The following INPP5A variants were observed in gnomAD, a reference collection of about 807,000 sequenced individuals.
INPP5A encodes 43 kDa inositol polyphosphate 5-phophatase.
A neutral mutation model predicts 65.2 loss-of-function variants in INPP5A; 14 were observed. The ratio of observed to expected loss-of-function variants is 0.21; its 90% CI spans 0.14 to 0.34. INPP5A has a LOEUF of 0.34. Among genes scored for constraint, INPP5A ranks in the 10% least tolerant of loss-of-function variants. The pLI, the probability that INPP5A is intolerant of heterozygous loss-of-function variation, is 1.00. For synonymous variants in INPP5A, 207 were observed against 208.3 expected (o/e 0.99, Z 0.05); for missense variants, 431 against 545.6 (o/e 0.79, Z 2.09).
chr10:132,658,269 T>C (rs1030830269), intron 4 of INPP5A, among the ~76,000 whole-genome samples: 3 of 152,352 alleles, frequency 2.0e-5, no homozygotes, highest in East Asian at 3.9e-4. Context: ...ATTATTTACT[T>C]CCTAAAAGTG....
At chr10:132,624,558 G>T (rs1202467117) in intron 2 of INPP5A, among the ~76,000 whole-genome samples, 1 of 152,132 alleles carries the variant, frequency 6.6e-6, no homozygotes, top group Non-Finnish European at 1.5e-5. Context: ...TCTGCACTTG[G>T]GGAATGTGCA....
chr10:132,780,188 C>T (rs1326348013), intron 13 of INPP5A, among the ~76,000 whole-genome samples: 1 of 152,238 alleles, frequency 6.6e-6, no homozygotes, highest in Non-Finnish European at 1.5e-5. Context: ...TCAGATGCTC[C>T]AGCTGTGGAT....
chr10:132,753,538 T>G lies in INPP5A; in HGVS notation c.903+3693T>G, dbSNP rs529611247. Among the ~76,000 whole-genome samples the G allele has an allele frequency of 6.6e-6, 1 of 152,310 alleles. No individual in the cohort carries two copies. Among genetic ancestry groups the G allele is most frequent in the African/African-American group, 2.4e-5 (1 of 41,560 alleles). On this transcript the variant is annotated intron_variant, in intron 11 of 15. Transcript: ENST00000368594. This position sits in a 1 kb window ranked among gnomAD's most constrained non-coding sequence, Gnocchi z 5.3. ...TGACTTTTTCTATGATTTATAGCTT[T>G]GTTTAGTCGATATTCCCATCGAAAT... is the stretch of plus-strand genomic sequence containing the variant.
chr10:132,632,177 C>G (rs1349623806), intron 2 of INPP5A, among the ~76,000 whole-genome samples: 1 of 152,252 alleles, frequency 6.6e-6, no homozygotes, highest in Admixed American at 6.5e-5. Context: ...CCTTTCCTGT[C>G]CATCCTCTGC....
chr10:132,681,712 C>T (rs1348059203), intron 4 of INPP5A, among the ~76,000 whole-genome samples: 3 of 152,184 alleles, frequency 2.0e-5, no homozygotes, highest in Non-Finnish European at 4.4e-5. Flanking sequence ...ATAGAATTCC[C>T]GTCTGATTCA....
chr10:132,632,068 T>G (rs2072282667), intron 2 of INPP5A, among the ~76,000 whole-genome samples: 1 of 152,256 alleles, frequency 6.6e-6, no homozygotes, highest in Non-Finnish European at 1.5e-5. Context: ...TTCACAGCCC[T>G]GCCTGGTAAC....
intron 12 of INPP5A, among the ~76,000 whole-genome samples, chr10:132,773,456 T>C (rs764743857): frequency 2.0e-5 from 3 of 152,244 alleles, no homozygotes; most frequent in Non-Finnish European, 4.4e-5. Context: ...TGGACACATA[T>C]ATTTTTAAAT....
chr10:132,690,580 C>A, intron 5 of INPP5A, 125 bp downstream of exon 5: 1 of 736,780 alleles, frequency 1.4e-6, no homozygotes, highest in Non-Finnish European at 2.3e-6. Flanking sequence ...TCTTGAGCCA[C>A]TGTCCAGAGG....
At chr10:132,553,117 T>TGGAA (rs2071076951) in intron 1 of INPP5A, among the ~76,000 whole-genome samples, 1 of 121,510 alleles carries the variant, frequency 8.2e-6, no homozygotes, top group Non-Finnish European at 1.7e-5. Context: ...AGAGCCTTGG[T>TGGAA]GGAATATTGG....
rs796221395 is a variant in INPP5A at position 132,685,059 on chromosome 10, TA to T, written c.307-5322del. ...CTTTCTGCTCCTAGATTTATTTTATTAAAAAAAAAAACTGGAGGTGAAAACG... is the reference window on the plus strand; with the variant it reads ...CTTTCTGCTCCTAGATTTATTTTATTAAAAAAAAAACTGGAGGTGAAAACG... On this transcript the variant is annotated intron_variant, in intron 4 of 15. Transcript: ENST00000368594. Among the ~76,000 whole-genome samples, 73 of 149,656 alleles carry T rather than the reference TA, an allele frequency of 4.9e-4. 1 individual carries two copies. The South Asian group carries it at 5.3e-3, about 11-fold the overall frequency.
chr10:132,691,464 C>T (rs1346057147), intron 5 of INPP5A, among the ~76,000 whole-genome samples: 3 of 152,242 alleles, frequency 2.0e-5, no homozygotes, highest in East Asian at 1.9e-4. Flanking sequence ...AGCGCGCCGA[C>T]GCAGCGTGTG....
chr10:132,782,373 T>G lies in INPP5A; in HGVS notation c.*344T>G. The G allele has an allele frequency of 3.0e-6, 1 of 328,968 alleles. No homozygotes were observed. Among genetic ancestry groups the G allele is most frequent in the Non-Finnish European group, 5.9e-6 (1 of 169,846 alleles). 20.4% of individuals were successfully genotyped at this position (328,968 alleles called of 1,614,324 possible). A position where few individuals can be genotyped will look rare whatever the true frequency, so the allele number is the denominator to read the frequency against. On this transcript the variant is annotated 3_prime_UTR_variant, in exon 16 of 16. Coordinates refer to ENST00000368594, the MANE Select transcript of INPP5A (RefSeq NM_005539.5). The surrounding 1 kb of genome is among the most constrained non-coding windows in gnomAD (Gnocchi z 4.4). The stretch of plus-strand genomic sequence containing the variant: ...TTTAATGATTGCCAGTGGAGGGGCT[T>G]CTTCAGCACAGAGACCCCCCACTGT...
intron 2 of INPP5A, among the ~76,000 whole-genome samples, chr10:132,630,573 A>G (rs7393108): frequency 3.9e-4 from 50 of 128,470 alleles, no homozygotes; most frequent in African/African-American, 1.2e-3. Flanking sequence ...CATCCATGAG[A>G]GGAAGACGTC....
rs1007894469 is a variant in INPP5A, at chr10:132,663,133, G to T, written c.306+12628G>T. On this transcript the variant is annotated intron_variant, in intron 4 of 15. Coordinates refer to ENST00000368594, the MANE Select transcript of INPP5A (RefSeq NM_005539.5). The surrounding 1 kb of genome is among the most constrained non-coding windows in gnomAD (Gnocchi z 4.5). ...CACAACTCAGGCAACTCGGCACGCCGCAGGACATAACGGCAGAGTGTGAGT... is the reference window on the plus strand; with the variant it reads ...CACAACTCAGGCAACTCGGCACGCCTCAGGACATAACGGCAGAGTGTGAGT... 6.6e-6 allele frequency among the ~76,000 whole-genome samples: 1 copy of T among 152,202 alleles called. No homozygotes were observed. Among genetic ancestry groups the T allele is most frequent in the East Asian group, 1.9e-4 (1 of 5,202 alleles).
At chr10:132,669,231 A>C (rs1033882581) in intron 4 of INPP5A, among the ~76,000 whole-genome samples, 6 of 152,014 alleles carry the variant, frequency 3.9e-5, no homozygotes, top group African/African-American at 1.4e-4. Context: ...CCAGCCTTGG[A>C]GACAGAGTGA....
chr10:132,767,038 G>A (rs1236430567), intron 12 of INPP5A, among the ~76,000 whole-genome samples: 2 of 133,514 alleles, frequency 1.5e-5, no homozygotes, highest in Non-Finnish European at 3.2e-5. Context: ...GGAGGATGCG[G>A]CCTTGGAGCT....
In INPP5A at chr10:132,676,479, G is replaced by A. The variant is rs1352360490; in HGVS notation, c.307-13913G>A. On this transcript the variant is annotated intron_variant, in intron 4 of 15. Coordinates refer to ENST00000368594, the MANE Select transcript of INPP5A (RefSeq NM_005539.5). This position sits in a 1 kb window ranked among gnomAD's most constrained non-coding sequence, Gnocchi z 4.0. ...TTTCCTTTTTGTCTGGCATCAGCTC[G>A]TGAAATATATTACATCAGACAAAAG... Among the ~76,000 whole-genome samples the A allele has an allele frequency of 2.6e-5, 4 of 152,302 alleles. No individual in the cohort carries two copies. The highest frequency in any genetic ancestry group is 2.9e-5 in the Non-Finnish European group (2 of 68,026).
intron 3 of INPP5A, among the ~76,000 whole-genome samples, chr10:132,649,892 G>A (rs1231257979): frequency 2.0e-5 from 3 of 152,198 alleles, no homozygotes; most frequent in African/African-American, 7.2e-5. Context: ...ACAATGGCGT[G>A]TCCAGAGGTC....
At chr10:132,612,260 C>T (rs1215252951) in intron 2 of INPP5A, among the ~76,000 whole-genome samples, 1 of 150,406 alleles carries the variant, frequency 6.6e-6, no homozygotes, top group African/African-American at 2.5e-5. Context: ...GTGAGGTGGG[C>T]AGGGGAGAGG....
Sources: gnomAD v4.1 joint callset for allele counts (sites outside exome capture counted in the v4.1 genomes callset) on GRCh38, gnomAD v4.1.1 for gene constraint, Gnocchi (gnomAD v3.1) non-coding constraint, MANE v1.5 for transcripts, NCBI Gene and HGNC (gene_info 2026-07-23, HGNC 2026-07-21) for gene names.